Variants in TBC1D22B observed in about 807,000 individuals in gnomAD.
TBC1D22B encodes chromosome 6 open reading frame 197.
A neutral mutation model predicts 69.1 loss-of-function variants in TBC1D22B; 32 were observed. The ratio of observed to expected loss-of-function variants is 0.46; its 90% CI spans 0.35 to 0.62. TBC1D22B has a LOEUF of 0.62. Among genes scored for constraint, TBC1D22B ranks in the 20% least tolerant of loss-of-function variants. TBC1D22B has a pLI of 0.00. For missense variants in TBC1D22B, 462 were observed against 630.9 expected, an observed-to-expected ratio of 0.73 and a Z score of 2.87; for synonymous variants, 206 against 229.8, an observed-to-expected ratio of 0.90 and a Z score of 0.94.
intron 12 of TBC1D22B, among the ~76,000 whole-genome samples, chr6:37,329,664 A>G (rs942027872): frequency 1.3e-5 from 2 of 152,230 alleles, no homozygotes; most frequent in Non-Finnish European, 2.9e-5. Flanking sequence ...TAACAGTCTA[A>G]GTGTAAGCAG....
chr6:37,302,449 C>T (rs977397902), intron 8 of TBC1D22B, among the ~76,000 whole-genome samples: 3 of 152,280 alleles, frequency 2.0e-5, no homozygotes, highest in African/African-American at 7.2e-5. Context: ...ATATAATTGA[C>T]CATGCAGCCA....
intron 8 of TBC1D22B, among the ~76,000 whole-genome samples, chr6:37,311,302 C>T (rs569550141): frequency 3.3e-4 from 50 of 149,594 alleles, no homozygotes; most frequent in African/African-American, 1.1e-3. Context: ...TCTCTTTAAA[C>T]GGGTGAGAAT....
chr6:37,277,687 C>CA (rs1255028021), intron 2 of TBC1D22B, among the ~76,000 whole-genome samples: 1 of 151,932 alleles, frequency 6.6e-6, no homozygotes, highest in Non-Finnish European at 1.5e-5. Context: ...AGGCTGATCT[C>CA]AAACTCCTGA....
chr6:37,291,053 C>T (rs1197004356), intron 7 of TBC1D22B, among the ~76,000 whole-genome samples, 190 bp from the exon 8 acceptor site: 1 of 152,178 alleles, frequency 6.6e-6, no homozygotes, highest in Non-Finnish European at 1.5e-5. Flanking sequence ...GAAGTATCTA[C>T]CCCTACTTGA....
chr6:37,269,490 A>G (rs1375633750), intron 1 of TBC1D22B, 104 bp from the exon 2 acceptor site: 13 of 1,040,802 alleles, frequency 1.2e-5, no homozygotes, highest in Admixed American at 1.9e-5. Flanking sequence ...GAGATAACCT[A>G]TTTATCAAAG....
At chr6:37,268,111 G>C (rs1766363348) in intron 1 of TBC1D22B, among the ~76,000 whole-genome samples, 1 of 152,148 alleles carries the variant, frequency 6.6e-6, no homozygotes, top group South Asian at 2.1e-4. Context: ...CTTCAGACAG[G>C]TGTTAAGGAA....
At chr6:37,292,783 T>G (rs1443989526) in intron 8 of TBC1D22B, among the ~76,000 whole-genome samples, 1 of 152,226 alleles carries the variant, frequency 6.6e-6, no homozygotes, top group Non-Finnish European at 1.5e-5. Flanking sequence ...CCATTTATAT[T>G]TTGTTCCAAG....
chr6:37,304,276 AC>A (rs1369989632), intron 8 of TBC1D22B, among the ~76,000 whole-genome samples: 2 of 152,160 alleles, frequency 1.3e-5, no homozygotes, highest in Non-Finnish European at 2.9e-5. Context: ...GTAGACAAAA[AC>A]CCTGCCTTCT....
chr6:37,310,012 A>T (rs1767852621), intron 8 of TBC1D22B, among the ~76,000 whole-genome samples: 1 of 147,260 alleles, frequency 6.8e-6, no homozygotes, highest in South Asian at 2.1e-4. Context: ...TAATATATAA[A>T]TATATATTAT....
intron 4 of TBC1D22B, 99 bp downstream of exon 4, chr6:37,282,463 T>A: frequency 7.4e-7 from 1 of 1,354,732 alleles, no homozygotes; most frequent in Non-Finnish European, 9.9e-7. Context: ...CTTTTACTTT[T>A]CTAGCTTCTC....
intron 8 of TBC1D22B, among the ~76,000 whole-genome samples, chr6:37,298,538 A>AGTTTTTT (rs1767459406): frequency 8.9e-6 from 1 of 112,872 alleles, no homozygotes; most frequent in African/African-American, 3.6e-5. Context: ...AGTTGCCTAC[A>AGTTTTTT]GTTTTTTTTT....
At chr6:37,287,735 T>C (rs1289752801) in intron 7 of TBC1D22B, among the ~76,000 whole-genome samples, 1 of 152,232 alleles carries the variant, frequency 6.6e-6, no homozygotes, top group Non-Finnish European at 1.5e-5. Flanking sequence ...TAATATTCCG[T>C]TGTACATATG....
chr6:37,288,445 T>C (rs1767075110), intron 7 of TBC1D22B, among the ~76,000 whole-genome samples: 1 of 152,218 alleles, frequency 6.6e-6, no homozygotes, highest in African/African-American at 2.4e-5. Context: ...GCGTGATGAC[T>C]CACTCCTATA....
intron 2 of TBC1D22B, among the ~76,000 whole-genome samples, chr6:37,273,554 A>G (rs1413802362): frequency 1.3e-5 from 2 of 152,148 alleles, no homozygotes; most frequent in South Asian, 4.1e-4. Flanking sequence ...TTTATATACT[A>G]TTGTTTTCTC....
chr6:37,301,712 A>G (rs1296391133), intron 8 of TBC1D22B, among the ~76,000 whole-genome samples: 2 of 152,212 alleles, frequency 1.3e-5, no homozygotes, highest in Non-Finnish European at 2.9e-5. Flanking sequence ...AGAGATAGAT[A>G]CAACATTGTG....
chr6:37,270,438 G>A (rs535809433), intron 2 of TBC1D22B, among the ~76,000 whole-genome samples: 1 of 152,152 alleles, frequency 6.6e-6, no homozygotes, highest in Admixed American at 6.5e-5. Flanking sequence ...GCAACAAAGC[G>A]AGATGCCGTC....
intron 10 of TBC1D22B, among the ~76,000 whole-genome samples, chr6:37,315,026 T>C (rs1279018825): frequency 6.6e-6 from 1 of 152,156 alleles, no homozygotes; most frequent in African/African-American, 2.4e-5. Flanking sequence ...TTGACATCCC[T>C]CAACCGGAGC....
intron 8 of TBC1D22B, among the ~76,000 whole-genome samples, chr6:37,296,233 G>A (rs195760): frequency 0.19 from 29,413 of 152,054 alleles, 2,954 homozygotes; most frequent in Non-Finnish European, 0.22. Flanking sequence ...CTGTACTCCT[G>A]CCTGGGCAAC....
intron 8 of TBC1D22B, among the ~76,000 whole-genome samples, chr6:37,298,522 C>CA (rs1767458467): frequency 6.9e-6 from 1 of 144,928 alleles, no homozygotes; most frequent in Admixed American, 6.9e-5. Flanking sequence ...TCTAGAAGAA[C>CA]ATTTAAGTTG....
Sources: gnomAD v4.1 joint callset for allele counts (sites outside exome capture counted in the v4.1 genomes callset) on GRCh38, gnomAD v4.1.1 for gene constraint, MANE v1.5 for transcripts, NCBI Gene and HGNC (gene_info 2026-07-23, HGNC 2026-07-21) for gene names.